The following GLCCI1 variants were observed in gnomAD, a reference collection of about 807,000 sequenced individuals.
GLCCI1 encodes the protein glucocorticoid-induced transcript 1 protein.
Under a neutral mutation model 52.2 loss-of-function variants are expected in GLCCI1, and 24 were observed. The observed-to-expected ratio is 0.46, with a 90% CI of 0.33 to 0.65. The LOEUF is 0.65. GLCCI1 is among the 30% of genes least tolerant of loss of function. The pLI, the probability that GLCCI1 is intolerant of heterozygous loss-of-function variation, is 0.02. For synonymous variants in GLCCI1, 310 were observed against 276.5 expected, an observed-to-expected ratio of 1.12 and a Z score of -1.20; for missense variants, 704 against 701.5, an observed-to-expected ratio of 1.00 and a Z score of -0.04.
intron 7 of GLCCI1, among the ~76,000 whole-genome samples, chr7:8,085,878 TTGCATA>T (rs1783095880): frequency 6.6e-6 from 1 of 152,224 alleles, no homozygotes; most frequent in Non-Finnish European, 1.5e-5. Context: ...CATTCTAACT[TTGCATA>T]ATCTTCAATT....
At chr7:8,003,014 C>G (rs953040766) in intron 1 of GLCCI1, among the ~76,000 whole-genome samples, 3 of 152,078 alleles carry the variant, frequency 2.0e-5, no homozygotes, top group Non-Finnish European at 2.9e-5. Flanking sequence ...TCAAATTCTT[C>G]GTCTGTGAAT....
At position 7,969,293 on chromosome 7, in the gene GLCCI1, C is replaced by G. The variant is rs1406819572; in HGVS notation, c.-58C>G. 1.8e-5 allele frequency: 24 copies of G among 1,344,334 alleles called. No homozygotes were observed. The highest frequency in any genetic ancestry group is 2.2e-5 in the Non-Finnish European group (23 of 1,037,722). 83.3% of individuals were successfully genotyped at this position (1,344,334 alleles called of 1,614,324 possible). ...TCGCGCCGGCTCCCACACGCTCGCG[C>G]GCCTCCCGCCCCGCGCCTCCGTGTC... On this transcript the variant is annotated 5_prime_UTR_variant, in exon 1 of 8. Coordinates refer to ENST00000223145, the MANE Select transcript of GLCCI1 (RefSeq NM_138426.4). This position sits in a 1 kb window ranked among gnomAD's most constrained non-coding sequence, Gnocchi z 4.9.
intron 3 of GLCCI1, among the ~76,000 whole-genome samples, chr7:8,043,598 T>G (rs1351753433): frequency 6.6e-6 from 1 of 152,104 alleles, no homozygotes; most frequent in Non-Finnish European, 1.5e-5. Context: ...ATAAATAGAA[T>G]GAAGGGAAAT....
intron 3 of GLCCI1, among the ~76,000 whole-genome samples, chr7:8,043,476 A>G (rs944932312): frequency 2.6e-5 from 4 of 152,230 alleles, no homozygotes; most frequent in African/African-American, 9.6e-5. Flanking sequence ...CAGATGAGTA[A>G]GACTACATGT....
intron 2 of GLCCI1, among the ~76,000 whole-genome samples, chr7:8,021,575 G>C (rs142504006): frequency 5.5e-4 from 83 of 152,264 alleles, no homozygotes; most frequent in African/African-American, 1.9e-3. Context: ...ACCAGGCCCA[G>C]CTAATTTTTT....
intron 3 of GLCCI1, among the ~76,000 whole-genome samples, chr7:8,048,762 G>A (rs1244717787): frequency 6.6e-6 from 1 of 152,156 alleles, no homozygotes; most frequent in Non-Finnish European, 1.5e-5. Context: ...AGCACAGCAA[G>A]TGTCAAGAAC....
intron 6 of GLCCI1, among the ~76,000 whole-genome samples, chr7:8,081,715 C>CTAAT (rs1286168647): frequency 1.3e-5 from 2 of 152,122 alleles, no homozygotes; most frequent in African/African-American, 4.8e-5. Context: ...TTTCCAAACT[C>CTAAT]TAATTTATTA....
At chr7:8,061,277 T>C (rs147579167) in intron 5 of GLCCI1, among the ~76,000 whole-genome samples, 5,534 of 152,108 alleles carry the variant, frequency 0.036, 143 homozygotes, top group Non-Finnish European at 0.056. Context: ...TTTTTTTGTA[T>C]TTTTAGTAGA....
At chr7:7,982,549 G>A (rs1780643622) in intron 1 of GLCCI1, among the ~76,000 whole-genome samples, 2 of 151,954 alleles carry the variant, frequency 1.3e-5, no homozygotes, top group African/African-American at 2.4e-5. Context: ...AAAGGCAAAG[G>A]GATAATAAAT....
chr7:8,042,774 C>G (rs756868313), intron 3 of GLCCI1, among the ~76,000 whole-genome samples: 1 of 152,184 alleles, frequency 6.6e-6, no homozygotes, highest in Non-Finnish European at 1.5e-5. Flanking sequence ...GATGAAGAAG[C>G]TGTGAACATT....
chr7:8,044,070 G>A lies in GLCCI1; in HGVS notation c.697-11363G>A, dbSNP rs190905874. On this transcript the variant is annotated intron_variant, in intron 3 of 7. Transcript: ENST00000223145. ...CACCATTCTCCTGCCTCAGCCTCCC[G>A]AGTAGCTGGGACTACAGGCGCCTGC... Among the ~76,000 whole-genome samples the A allele has an allele frequency of 3.8e-3, 568 of 151,336 alleles. 2 individuals are homozygous for A. The highest frequency in any genetic ancestry group is 0.013 in the African/African-American group (525 of 41,210).
rs898218840 is a variant in GLCCI1 at position 8,037,275 on chromosome 7, G to A, written c.696+14706G>A. 3.3e-5 allele frequency among the ~76,000 whole-genome samples: 5 copies of A among 152,158 alleles called. No individual in the cohort carries two copies. In the South Asian group the frequency reaches 1.0e-3, roughly 32 times the overall value. On this transcript the variant is annotated intron_variant, in intron 3 of 7. Coordinates refer to ENST00000223145, the MANE Select transcript of GLCCI1 (RefSeq NM_138426.4). Reference sequence around the variant, plus strand: ...AAAGAAAAAGAAAACTGTCAGCCACGAATTTTGTATGCTGGTAAACTCAGC... The same window carrying A: ...AAAGAAAAAGAAAACTGTCAGCCACAAATTTTGTATGCTGGTAAACTCAGC...
intron 2 of GLCCI1, among the ~76,000 whole-genome samples, chr7:8,005,838 G>C (rs1390453795): frequency 6.6e-6 from 1 of 151,284 alleles, no homozygotes; most frequent in Non-Finnish European, 1.5e-5. Context: ...CTGTCTTGTT[G>C]CCCAGGCTGG....
At chr7:7,995,525 G>A (rs35240411) in intron 1 of GLCCI1, among the ~76,000 whole-genome samples, 5,196 of 152,190 alleles carry the variant, frequency 0.034, 171 homozygotes, top group East Asian at 0.089. Context: ...TGATAGACTG[G>A]ATTAAGAAAA....
intron 1 of GLCCI1, among the ~76,000 whole-genome samples, chr7:7,997,938 T>G (rs1200931858): frequency 9.7e-6 from 1 of 103,536 alleles, no homozygotes; most frequent in Non-Finnish European, 2.0e-5. Flanking sequence ...AATAAATAAA[T>G]AAATAAATAA....
chr7:8,021,514 G>T (rs527919162), intron 2 of GLCCI1, among the ~76,000 whole-genome samples: 1 of 151,930 alleles, frequency 6.6e-6, no homozygotes, highest in African/African-American at 2.4e-5. Context: ...CCGGGTTCAA[G>T]TGATTCTCCT....
chr7:8,009,622 T>G (rs1217727175), intron 2 of GLCCI1, among the ~76,000 whole-genome samples: 1 of 152,206 alleles, frequency 6.6e-6, no homozygotes, highest in East Asian at 1.9e-4. Flanking sequence ...GAAGTAACTG[T>G]TCATTCCTAC....
At chr7:7,985,734 A>G (rs1369811841) in intron 1 of GLCCI1, among the ~76,000 whole-genome samples, 1 of 152,186 alleles carries the variant, frequency 6.6e-6, no homozygotes, top group Admixed American at 6.5e-5. Context: ...TTTGGAGAAA[A>G]ATCAATCCGT....
chr7:7,986,877 C>T (rs1001591335), intron 1 of GLCCI1, among the ~76,000 whole-genome samples: 3 of 152,146 alleles, frequency 2.0e-5, no homozygotes, highest in Non-Finnish European at 4.4e-5. Context: ...TTCTCCCATC[C>T]TTCTGGTCAC....
Sources: gnomAD v4.1 joint callset for allele counts (sites outside exome capture counted in the v4.1 genomes callset) on GRCh38, gnomAD v4.1.1 for gene constraint, Gnocchi (gnomAD v3.1) non-coding constraint, MANE v1.5 for transcripts, NCBI Gene and HGNC (gene_info 2026-07-23, HGNC 2026-07-21) for gene names.